NRXN1: variants seen among roughly 807,000 people sequenced by gnomAD.
The protein encoded by NRXN1 is neurexin-1.
A neutral mutation model predicts 150.9 loss-of-function variants in NRXN1; 39 were observed. The observed-to-expected ratio is 0.26, with a 90% confidence interval of 0.20 to 0.34. The LOEUF (loss-of-function observed/expected upper bound fraction) is 0.34, where lower values mean the gene tolerates loss of function less well. NRXN1 is among the 10% of genes least tolerant of loss of function. The pLI is 1.00. For synonymous variants in NRXN1, 924 were observed against 757.0 expected (o/e 1.22, Z -3.62); for missense variants, 1,815 against 1,949.9 (o/e 0.93, Z 1.30).
chr2:50,128,402 G>A (rs535988236), intron 18 of NRXN1, among the ~76,000 whole-genome samples: 20 of 152,134 alleles, frequency 1.3e-4, no homozygotes, highest in African/African-American at 4.1e-4. Context: ...TAAAGTATTC[G>A]AACTAAAATA....
At chr2:51,001,039 G>C (rs1171622206) in intron 2 of NRXN1, among the ~76,000 whole-genome samples, 2 of 151,970 alleles carry the variant, frequency 1.3e-5, no homozygotes, top group African/African-American at 4.8e-5. Context: ...AAGAACATAG[G>C]AAAGTGTGGT....
chr2:50,987,526 T>C (rs1697909716), intron 2 of NRXN1, among the ~76,000 whole-genome samples: 1 of 151,946 alleles, frequency 6.6e-6, no homozygotes, highest in African/African-American at 2.4e-5. Flanking sequence ...ATAAATGGGT[T>C]ATTACATCTG....
At chr2:50,729,051 T>C (rs1697756677) in intron 5 of NRXN1, among the ~76,000 whole-genome samples, 1 of 152,192 alleles carries the variant, frequency 6.6e-6, no homozygotes, top group Non-Finnish European at 1.5e-5. Context: ...ACTAGTCATA[T>C]ATTAAATTTC....
At chr2:50,024,765 C>A (rs1316888348) in intron 21 of NRXN1, among the ~76,000 whole-genome samples, 1 of 152,090 alleles carries the variant, frequency 6.6e-6, no homozygotes, top group African/African-American at 2.4e-5. Context: ...CAGGTGCACA[C>A]CACCACTCTT....
chr2:50,013,216 G>A (rs1685992695), intron 21 of NRXN1, among the ~76,000 whole-genome samples: 3 of 149,152 alleles, frequency 2.0e-5, no homozygotes, highest in Admixed American at 2.0e-4. Context: ...AAGGAGATTT[G>A]TAAATACTAC....
At chr2:50,437,988 A>G (rs1201645720) in intron 17 of NRXN1, among the ~76,000 whole-genome samples, 2 of 152,216 alleles carry the variant, frequency 1.3e-5, no homozygotes, top group Admixed American at 6.5e-5. Context: ...CTACAACCTC[A>G]GTTATCACTT....
At position 50,283,318 on chromosome 2, in the gene NRXN1, C is replaced by T. The variant is rs183409244; in HGVS notation, c.3365-46348G>A. ...AATCTTTCTTCAACAAAATTTAAAA[C>T]TACCATCTCTGAAGATGCATTTATG... On this transcript the variant is annotated intron_variant, in intron 17 of 22. Transcript: ENST00000401669. 7.3e-3 allele frequency among the ~76,000 whole-genome samples: 1,111 copies of T among 152,268 alleles called. 20 individuals carry two copies. The highest frequency in any genetic ancestry group is 0.025 in the African/African-American group (1,039 of 41,542).
rs1262082792 is a variant in NRXN1 at position 50,970,841 on chromosome 2, G to C, written c.773-44886C>G. 2.0e-5 allele frequency among the ~76,000 whole-genome samples: 3 copies of C among 150,694 alleles called. No homozygotes were observed. The East Asian group carries it at 5.8e-4, about 29-fold the overall frequency. Reference sequence around the variant, plus strand: ...TTTAATGATCTAAATCTTTCCATTAGTCTAAAAAGAACAACTTGACCACAT... The same window carrying C: ...TTTAATGATCTAAATCTTTCCATTACTCTAAAAAGAACAACTTGACCACAT... On this transcript the variant is annotated intron_variant, in intron 2 of 22. Coordinates refer to ENST00000401669, the MANE Select transcript of NRXN1 (RefSeq NM_001330078.2).
chr2:50,941,770 C>A (rs1689486781), intron 2 of NRXN1, among the ~76,000 whole-genome samples: 1 of 152,146 alleles, frequency 6.6e-6, no homozygotes, highest in Non-Finnish European at 1.5e-5. Context: ...GGAAACAGAG[C>A]ATAAAAGTTT....
chr2:50,564,829 AG>A (rs1460474539), intron 8 of NRXN1, among the ~76,000 whole-genome samples: 1 of 152,186 alleles, frequency 6.6e-6, no homozygotes, highest in Non-Finnish European at 1.5e-5. Context: ...TTCTTTGGAA[AG>A]TCCCACATGA....
chr2:50,179,189 A>C (rs772320964), intron 18 of NRXN1, among the ~76,000 whole-genome samples: 1 of 152,132 alleles, frequency 6.6e-6, no homozygotes, highest in Non-Finnish European at 1.5e-5. Flanking sequence ...GCACAAAAAT[A>C]TGGAGCTGCT....
chr2:49,925,595 T>C (rs1030194687), intron 22 of NRXN1, among the ~76,000 whole-genome samples: 2 of 152,144 alleles, frequency 1.3e-5, no homozygotes, highest in African/African-American at 4.8e-5. Flanking sequence ...AAGAGAAACA[T>C]AATTAATTTG....
intron 8 of NRXN1, chr2:50,615,847 G>T (rs1678972480): frequency 6.6e-6 from 1 of 152,088 alleles, no homozygotes; most frequent in Non-Finnish European, 1.5e-5. Context: ...AAAACTGCTT[G>T]TTAGAAAATT....
intron 17 of NRXN1, among the ~76,000 whole-genome samples, chr2:50,308,510 T>A (rs532396226): frequency 3.0e-4 from 45 of 152,036 alleles, no homozygotes; most frequent in African/African-American, 9.2e-4. Context: ...TATTTTTTTT[T>A]AATTTTTTAT....
chr2:50,140,672 T>C (rs1022318901), intron 18 of NRXN1, among the ~76,000 whole-genome samples: 10 of 151,164 alleles, frequency 6.6e-5, no homozygotes, highest in Admixed American at 2.7e-4. Flanking sequence ...TCTCTCTCTT[T>C]TTTTTTTTTA....
intron 19 of NRXN1, among the ~76,000 whole-genome samples, chr2:50,055,347 A>C (rs1232714254): frequency 6.6e-6 from 1 of 152,218 alleles, no homozygotes; most frequent in Middle Eastern, 3.2e-3. Context: ...GCTTTACAAA[A>C]AATGACCAAT....
At chr2:49,963,242 C>T (rs113359184) in intron 21 of NRXN1, among the ~76,000 whole-genome samples, 169 of 152,056 alleles carry the variant, frequency 1.1e-3, no homozygotes, top group African/African-American at 3.8e-3. Context: ...TCCATGTGGT[C>T]GAAAAATAAT....
At chr2:50,713,562 G>A (rs747452560) in intron 5 of NRXN1, among the ~76,000 whole-genome samples, 4 of 151,954 alleles carry the variant, frequency 2.6e-5, no homozygotes, top group African/African-American at 9.7e-5. Flanking sequence ...CATGGAGAGA[G>A]AAAAAAATAA....
chr2:50,143,479 AATTAAAATCAACCTAGAT>A (rs1707563916), intron 18 of NRXN1, among the ~76,000 whole-genome samples: 1 of 152,008 alleles, frequency 6.6e-6, no homozygotes, highest in Admixed American at 6.6e-5. Flanking sequence ...ATTTAAGTAT[AATTAAAATCAACCTAGAT>A]ATTAAACAAG....
Sources: gnomAD v4.1 joint callset for allele counts (sites outside exome capture counted in the v4.1 genomes callset) on GRCh38, gnomAD v4.1.1 for gene constraint, MANE v1.5 for transcripts, NCBI Gene and HGNC (gene_info 2026-07-23, HGNC 2026-07-21) for gene names.